The following THAP9 variants were observed in gnomAD, a reference collection of about 807,000 sequenced individuals.
THAP9 encodes THAP domain containing 9, also known as DNA transposase THAP9.
THAP9 carries 20 observed loss-of-function variants against 35.7 expected under a neutral mutation model. That is an observed-to-expected ratio of 0.56 (90% CI 0.39 to 0.81). The LOEUF (loss-of-function observed/expected upper bound fraction) is 0.81, where lower values mean the gene tolerates loss of function less well. Ranked by LOEUF, THAP9 falls within the 40% of genes least tolerant of loss-of-function variation. The pLI, the probability that THAP9 is intolerant of heterozygous loss-of-function variation, is 0.00. For synonymous variants in THAP9, 335 were observed against 373.7 expected (o/e 0.90, Z 1.19); for missense variants, 870 against 1,047.4 (o/e 0.83, Z 2.34).
At chr4:82,902,106 T>TTC (rs67449291) in intron 1 of THAP9, among the ~76,000 whole-genome samples, 1 of 1,540 alleles carries the variant, frequency 6.5e-4, no homozygotes, top group Non-Finnish European at 3.0e-3. Flanking sequence ...ATTTTCCTTC[T>TTC]TTTTTTTTTT....
chr4:82,918,888 G>C lies in THAP9; in HGVS notation c.2676G>C (p.Arg892Ser), dbSNP rs761845701. ...TTGCTAATACCAGTAGTAAATTCAG[G>C]CATTTGCTAAGTAACGATGGATATC... ...SSFANTSSKFRHLLSNDGYPF... is the reference protein window; with the variant it reads ...SSFANTSSKFSHLLSNDGYPF... Residue 892 changes from arginine to serine, a missense_variant, in exon 5 of 5, where the codon AGG becomes AGC. Transcript: ENST00000302236. The C allele has an allele frequency of 1.3e-5, 21 of 1,606,230 alleles. No individual in the cohort carries two copies. Among genetic ancestry groups the C allele is most frequent in the Middle Eastern group, 1.7e-4 (1 of 5,860 alleles).
intron 4 of THAP9, among the ~76,000 whole-genome samples, chr4:82,916,682 T>C (rs929050622): frequency 6.6e-6 from 1 of 152,248 alleles, no homozygotes; most frequent in Admixed American, 6.5e-5. Context: ...ACTGGTTAGT[T>C]GGTTTACTTT....
intron 4 of THAP9, among the ~76,000 whole-genome samples, chr4:82,909,091 G>C (rs60909079): frequency 0.33 from 49,943 of 151,150 alleles, 9,603 homozygotes; most frequent in African/African-American, 0.52. Flanking sequence ...ATTTTTAGTA[G>C]AGGTGGGATT....
chr4:82,900,995 CGACGTGACGTGCGCAGCGTCGGGGCGT>C (rs1283096466), intron 1 of THAP9, 113 bp downstream of exon 1: 1 of 1,271,326 alleles, frequency 7.9e-7, no homozygotes, highest in African/African-American at 1.5e-5. Context: ...GTGTGTGACG[CGACGTGACGTGCGCAGCGTCGGGGCGT>C]GGGAGCGGAA....
intron 4 of THAP9, among the ~76,000 whole-genome samples, chr4:82,909,067 C>T (rs573606361): frequency 3.3e-4 from 50 of 151,830 alleles, no homozygotes; most frequent in South Asian, 6.3e-4. Flanking sequence ...CCACCATACC[C>T]GGCTAATTTT....
intron 4 of THAP9, among the ~76,000 whole-genome samples, chr4:82,911,734 G>A (rs932770153): frequency 3.3e-5 from 5 of 152,176 alleles, no homozygotes; most frequent in Admixed American, 6.5e-5. Context: ...AGTTTTTATT[G>A]CATTGCTTCT....
At chr4:82,909,404 A>G (rs914848071) in intron 4 of THAP9, among the ~76,000 whole-genome samples, 7 of 142,048 alleles carry the variant, frequency 4.9e-5, no homozygotes, top group African/African-American at 2.0e-4. Context: ...TACTGTTAAC[A>G]TTTAGAGTAT....
intron 1 of THAP9, among the ~76,000 whole-genome samples, chr4:82,901,332 G>A (rs1720355790): frequency 6.6e-6 from 1 of 152,152 alleles, no homozygotes; most frequent in Non-Finnish European, 1.5e-5. Flanking sequence ...TCCGATTCTG[G>A]CTGGATTTGA....
At position 82,918,230 on chromosome 4, in the gene THAP9, C is replaced by T. The variant is rs1721110316; in HGVS notation, c.2018C>T (p.Thr673Ile). 1.9e-6 allele frequency: 3 copies of T among 1,614,060 alleles called. No individual in the cohort carries two copies. In the Admixed American group the frequency reaches 5.0e-5, roughly 27 times the overall value. ...IARRKDLALW[T>I]VQRQYGVSVT... ...CGAAGGAAAGACTTGGCGCTTTGGA[C>T]AGTTCAACGTCAGTATGGTGTCAGC... Residue 673 changes from threonine to isoleucine, a missense_variant, in exon 5 of 5, where the codon ACA (threonine) becomes ATA (isoleucine). Around this residue, in one of 3 missense-constraint regions of THAP9, gnomAD observed 414 missense variants for 500.8 expected, o/e 0.83. Coordinates refer to ENST00000302236, the MANE Select transcript of THAP9 (RefSeq NM_024672.6).
rs1378677665 is a variant in THAP9, at chr4:82,900,901, TCGAA to T, written c.80+20_80+23del. On this transcript the variant is annotated intron_variant, in intron 1 of 4. Transcript: ENST00000302236. ...TCCACCAGTGCGTATGGGAGCAGCCTCGAAGCCTTCGAACTCCCTGCGGGGCCCG... is the reference window on the plus strand; with the variant it reads ...TCCACCAGTGCGTATGGGAGCAGCCTGCCTTCGAACTCCCTGCGGGGCCCG... 1 of 1,612,360 alleles carries T rather than the reference TCGAA, an allele frequency of 6.2e-7. No individual in the cohort carries two copies. Among genetic ancestry groups the T allele is most frequent in the Non-Finnish European group, 8.5e-7 (1 of 1,179,524 alleles).
intron 4 of THAP9, 76 bp from the exon 5 acceptor site, chr4:82,916,868 T>A (rs1721048279): frequency 2.2e-6 from 3 of 1,342,166 alleles, no homozygotes; most frequent in Non-Finnish European, 3.0e-6. Flanking sequence ...GAGACTACTT[T>A]AATAGTGCTT....
At chr4:82,902,419 A>C (rs1720460884) in intron 1 of THAP9, among the ~76,000 whole-genome samples, 1 of 152,156 alleles carries the variant, frequency 6.6e-6, no homozygotes, top group Non-Finnish European at 1.5e-5. Context: ...ACTTTGGGGC[A>C]AACCTACAGC....
intron 4 of THAP9, among the ~76,000 whole-genome samples, chr4:82,911,889 C>T (rs551974757): frequency 5.0e-4 from 76 of 152,304 alleles, no homozygotes; most frequent in Middle Eastern, 3.4e-3. Context: ...TGTTGTCTTT[C>T]CCTCCATAAT....
chr4:82,903,154 A>G (rs1407270288), intron 1 of THAP9, among the ~76,000 whole-genome samples: 1 of 152,246 alleles, frequency 6.6e-6, no homozygotes, highest in African/African-American at 2.4e-5. Flanking sequence ...GTCTGTCTCT[A>G]AGATAACGTC....
In THAP9 at chr4:82,900,808, C is replaced by T. The variant is rs1411799029; in HGVS notation, c.6C>T (p.Thr2=). 1 of 1,613,694 alleles carries T rather than the reference C, an allele frequency of 6.2e-7. No individual in the cohort carries two copies. The highest frequency in any genetic ancestry group is 1.7e-5 in the Admixed American group (1 of 60,028). Reference sequence around the variant, plus strand: ...GGGCCCCACGTAACAAGAAGATGACCCGAAGTTGCTCCGCAGTGGGCTGCA... The same window carrying T: ...GGGCCCCACGTAACAAGAAGATGACTCGAAGTTGCTCCGCAGTGGGCTGCA... The part of the protein sequence containing the change: M[T]RSCSAVGCST... Residue 2 remains threonine (T), a synonymous_variant, in exon 1 of 5, where the codon ACC becomes ACT. Coordinates refer to ENST00000302236, the MANE Select transcript of THAP9 (RefSeq NM_024672.6).
chr4:82,918,409 G>A lies in THAP9; in HGVS notation c.2197G>A (p.Glu733Lys), dbSNP rs775721811. 1 of 1,614,134 alleles carries A rather than the reference G, an allele frequency of 6.2e-7. No homozygotes were observed. Among genetic ancestry groups the A allele is most frequent in the Admixed American group, 1.7e-5 (1 of 60,026 alleles). ...CAAGTTATCAGCTCTTTTAACTTGT[G>A]AGGACTGCATCACTGCACTGTATGC... ...ANKLSALLTCEDCITALYASD... is the reference protein window; with the variant it reads ...ANKLSALLTCKDCITALYASD... The change falls in exon 5 of 5, where the codon GAG (glutamate) becomes AAG (lysine). Residue 733 changes from glutamate (E) to lysine (K), a missense_variant. By Grantham distance (56) the Glu-to-Lys change is moderately conservative. Coordinates refer to ENST00000302236, the MANE Select transcript of THAP9 (RefSeq NM_024672.6).
chr4:82,905,399 TTC>T (rs375878702), intron 2 of THAP9, among the ~76,000 whole-genome samples: 20 of 152,336 alleles, frequency 1.3e-4, no homozygotes, highest in African/African-American at 4.8e-4. Flanking sequence ...TATGATATTC[TTC>T]TGTTTCCTAT....
Position 82,900,810 on chromosome 4 carries a change from G to C in THAP9, c.8G>C (p.Arg3Pro), listed in dbSNP as rs1160165543. The C allele has an allele frequency of 3.7e-6, 6 of 1,613,592 alleles. No individual in the cohort carries two copies. The highest frequency in any genetic ancestry group is 5.1e-6 in the Non-Finnish European group (6 of 1,180,028). Residue 3 changes from arginine (R) to proline (P), a missense_variant, in exon 1 of 5, where the codon CGA (arginine) becomes CCA (proline). Physicochemically the swap from Arg to Pro is moderately radical, Grantham distance 103. Coordinates refer to ENST00000302236, the MANE Select transcript of THAP9 (RefSeq NM_024672.6). ...GCCCCACGTAACAAGAAGATGACCC[G>C]AAGTTGCTCCGCAGTGGGCTGCAGC... MT[R>P]SCSAVGCSTR...
At position 82,906,368 on chromosome 4, in the gene THAP9, C is replaced by G. The variant is rs1046058849; in HGVS notation, c.321C>G (p.Ile107Met). ...TTAAAGGTAAAGCAAGACAAAAAAT[C>G]CTAAAACAACCTCTTCCAGACAATT... is the stretch of plus-strand genomic sequence containing the variant. ...VHLKGKARQKILKQPLPDNSQ... is the reference protein window; with the variant it reads ...VHLKGKARQKMLKQPLPDNSQ... The change falls in exon 3 of 5, where the codon ATC becomes ATG. Residue 107 changes from isoleucine (I) to methionine (M), a missense_variant. Physicochemically the swap from Ile to Met is conservative, Grantham distance 10 (BLOSUM62 1). This residue lies in a region of THAP9 where 440 missense variants were observed against 501.2 expected (regional missense o/e 0.88). Coordinates refer to ENST00000302236, the MANE Select transcript of THAP9 (RefSeq NM_024672.6). 7 of 1,608,362 alleles carry G rather than the reference C, an allele frequency of 4.4e-6. No homozygotes were observed. The highest frequency in any genetic ancestry group is 5.9e-6 in the Non-Finnish European group (7 of 1,176,996).
Sources: gnomAD v4.1 joint callset for allele counts (sites outside exome capture counted in the v4.1 genomes callset) on GRCh38, gnomAD v4.1.1 for gene constraint, gnomAD v4.1.1 regional missense constraint, MANE v1.5 for transcripts, NCBI Gene and HGNC (gene_info 2026-07-23, HGNC 2026-07-21) for gene names.